The following CDH11 variants were observed in gnomAD, a reference collection of about 807,000 sequenced individuals.
CDH11 encodes the protein cadherin 11.
Under a neutral mutation model 67.8 loss-of-function variants are expected in CDH11, and 11 were observed. The ratio of observed to expected loss-of-function variants is 0.16; its 90% CI spans 0.10 to 0.27. The LOEUF is 0.27. Among genes scored for constraint, CDH11 ranks in the 10% least tolerant of loss-of-function variants. The probability of loss-of-function intolerance (pLI) is 1.00; values close to 1 mark genes in which losing one functional copy is unlikely to be tolerated. For missense variants in CDH11, 847 were observed against 1,031.2 expected (o/e 0.82, Z 2.45); for synonymous variants, 419 against 400.0 (o/e 1.05, Z -0.57).
intron 2 of CDH11, among the ~76,000 whole-genome samples, chr16:65,017,401 G>A (rs2073332998): frequency 1.3e-5 from 2 of 152,128 alleles, no homozygotes; most frequent in African/African-American, 4.8e-5. Flanking sequence ...TGATATTCCT[G>A]CCTAACTATT....
At chr16:64,982,411 CAG>C in intron 7 of CDH11, 110 bp from the exon 8 acceptor site, 1 of 835,230 alleles carries the variant, frequency 1.2e-6, no homozygotes, top group South Asian at 1.8e-5. Flanking sequence ...GAGAGAAAAT[CAG>C]AGTCTACTCA....
At chr16:65,102,367 C>A (rs1039562650) in intron 1 of CDH11, among the ~76,000 whole-genome samples, 1 of 152,172 alleles carries the variant, frequency 6.6e-6, no homozygotes, top group Non-Finnish European at 1.5e-5. Context: ...AGGATCATGT[C>A]TCTTGCAACA....
chr16:65,015,858 G>T (rs2073295369), intron 2 of CDH11, among the ~76,000 whole-genome samples: 1 of 152,162 alleles, frequency 6.6e-6, no homozygotes, highest in Non-Finnish European at 1.5e-5. Context: ...TGAAATAATT[G>T]CTAAAGCCAG....
chr16:65,063,777 C>T lies in CDH11; in HGVS notation c.-297-9849G>A, dbSNP rs375470379. Reference sequence around the variant, plus strand: ...TAAACATTTCAGTCACATTCCTTATCCAGTAAGTAAATGAATTTTGGCATT... The same window carrying T: ...TAAACATTTCAGTCACATTCCTTATTCAGTAAGTAAATGAATTTTGGCATT... On this transcript the variant is annotated intron_variant, in intron 1 of 12. Coordinates refer to ENST00000268603, the MANE Select transcript of CDH11 (RefSeq NM_001797.4). Among the ~76,000 whole-genome samples the T allele has an allele frequency of 4.6e-5, 7 of 152,248 alleles. No homozygotes were observed. The South Asian group carries it at 1.5e-3, about 32-fold the overall frequency.
At chr16:64,949,863 T>C (rs1050030047) in intron 12 of CDH11, among the ~76,000 whole-genome samples, 5 of 152,180 alleles carry the variant, frequency 3.3e-5, no homozygotes, top group African/African-American at 1.2e-4. Context: ...CATAGACTTC[T>C]TCTCTTTATC....
chr16:65,101,610 A>G (rs1426720438), intron 1 of CDH11, among the ~76,000 whole-genome samples: 1 of 151,906 alleles, frequency 6.6e-6, no homozygotes, highest in African/African-American at 2.4e-5. Flanking sequence ...TATGGTAAAT[A>G]CCAAGACCAT....
At chr16:64,974,134 A>G (rs1169228946) in intron 8 of CDH11, among the ~76,000 whole-genome samples, 1 of 152,208 alleles carries the variant, frequency 6.6e-6, no homozygotes, top group Non-Finnish European at 1.5e-5. Context: ...ACTGAGTTGT[A>G]GTAAGGTAAA....
At chr16:65,036,179 C>A (rs2073750510) in intron 2 of CDH11, among the ~76,000 whole-genome samples, 1 of 152,152 alleles carries the variant, frequency 6.6e-6, no homozygotes, top group Non-Finnish European at 1.5e-5. Context: ...GGCTAAATAG[C>A]TCACTCAAGG....
intron 1 of CDH11, among the ~76,000 whole-genome samples, chr16:65,118,593 A>T (rs1047985717): frequency 1.3e-5 from 2 of 152,242 alleles, no homozygotes; most frequent in Non-Finnish European, 2.9e-5. Context: ...TTTATGAAAC[A>T]GCAGCCAATT....
In CDH11 at chr16:64,946,418, G is replaced by C. The variant is rs1318306212; in HGVS notation, c.*1185C>G. The C allele has an allele frequency of 2.9e-6, 3 of 1,034,854 alleles. No homozygotes were observed. The highest frequency in any genetic ancestry group is 3.5e-6 in the Non-Finnish European group (3 of 859,824). The allele number at this position is 1,034,854 out of a possible 1,614,324, so 64.1% of individuals were successfully genotyped here. On this transcript the variant is annotated 3_prime_UTR_variant, in exon 13 of 13. Transcript: ENST00000268603. The stretch of plus-strand genomic sequence containing the variant: ...GTTCTGATAGCTCCATTCCCTCATG[G>C]ATTCATCTCTCATAACCATCAAATT...
intron 1 of CDH11, among the ~76,000 whole-genome samples, chr16:65,070,432 G>A (rs528741479): frequency 1.3e-5 from 2 of 152,134 alleles, no homozygotes; most frequent in Non-Finnish European, 2.9e-5. Context: ...AATTGAACGT[G>A]TGACTTTGAG....
At chr16:64,960,325 TTA>T (rs2071639788) in intron 11 of CDH11, among the ~76,000 whole-genome samples, 1 of 152,054 alleles carries the variant, frequency 6.6e-6, no homozygotes, top group South Asian at 2.1e-4. Context: ...TTGAAGAAGA[TTA>T]TATGTTATGA....
At chr16:65,103,967 T>G (rs913049876) in intron 1 of CDH11, among the ~76,000 whole-genome samples, 1 of 152,192 alleles carries the variant, frequency 6.6e-6, no homozygotes, top group African/African-American at 2.4e-5. Flanking sequence ...TTAATTTGAC[T>G]GCTAGAACAT....
intron 1 of CDH11, among the ~76,000 whole-genome samples, chr16:65,063,927 C>T (rs2074271150): frequency 6.6e-6 from 1 of 152,206 alleles, no homozygotes; most frequent in South Asian, 2.1e-4. Flanking sequence ...AGTGTTCCAA[C>T]CACACTTCAG....
intron 2 of CDH11, among the ~76,000 whole-genome samples, chr16:65,038,745 CT>C (rs1203428697): frequency 6.6e-6 from 1 of 152,136 alleles, no homozygotes; most frequent in Non-Finnish European, 1.5e-5. Flanking sequence ...ACCTTGGACA[CT>C]TGGGAAACAA....
At chr16:64,987,963 G>T in intron 7 of CDH11, 194 bp downstream of exon 7, 2 of 454,154 alleles carry the variant, frequency 4.4e-6, no homozygotes, top group Non-Finnish European at 7.8e-6. Context: ...CAGCCCCTTT[G>T]TCAGCTTCTC....
intron 1 of CDH11, among the ~76,000 whole-genome samples, chr16:65,054,210 G>A (rs1043094522): frequency 4.6e-5 from 7 of 152,202 alleles, no homozygotes; most frequent in African/African-American, 9.7e-5. Context: ...ATAACATGCT[G>A]TGTCATTCAC....
chr16:65,122,893 G>A (rs529644726), upstream of CDH11, among the ~76,000 whole-genome samples: 1 of 152,190 alleles, frequency 6.6e-6, no homozygotes, highest in Non-Finnish European at 1.5e-5. Flanking sequence ...AGTGGCCCCC[G>A]CCGGTAGTGT....
intron 1 of CDH11, among the ~76,000 whole-genome samples, chr16:65,083,890 C>A (rs2142808908): frequency 6.6e-6 from 1 of 152,268 alleles, no homozygotes; most frequent in South Asian, 2.1e-4. Context: ...ATTAACAAGA[C>A]AGAGGGAAAA....
Sources: allele counts gnomAD v4.1 joint callset (sites outside exome capture counted in the v4.1 genomes callset), GRCh38; gene constraint gnomAD v4.1.1; transcripts MANE v1.5; gene names NCBI Gene and HGNC (gene_info 2026-07-23, HGNC 2026-07-21).